GRIK2: variants seen among roughly 807,000 people sequenced by gnomAD.
GRIK2 encodes glutamate receptor ionotropic, kainate 2.
A neutral mutation model predicts 100.3 loss-of-function variants in GRIK2; 32 were observed. The ratio of observed to expected loss-of-function variants is 0.32; its 90% CI spans 0.24 to 0.43. The LOEUF is 0.43. Among genes scored for constraint, GRIK2 ranks in the 20% least tolerant of loss-of-function variants. The pLI is 1.00. For synonymous variants in GRIK2, 417 were observed against 389.4 expected, an observed-to-expected ratio of 1.07 and a Z score of -0.83; for missense variants, 843 against 1,114.9, an observed-to-expected ratio of 0.76 and a Z score of 3.47.
chr6:101,728,501 ATTAG>A (rs1030734166), intron 7 of GRIK2, among the ~76,000 whole-genome samples: 3 of 152,202 alleles, frequency 2.0e-5, no homozygotes, highest in South Asian at 4.1e-4. Context: ...AGAAAATGAA[ATTAG>A]TTATTTATTT....
At chr6:101,675,488 G>A (rs1479094107) in intron 4 of GRIK2, among the ~76,000 whole-genome samples, 1 of 152,176 alleles carries the variant, frequency 6.6e-6, no homozygotes, top group Admixed American at 6.6e-5. Flanking sequence ...AGAAGAAAGA[G>A]TAGAAGGAGA....
chr6:101,658,089 A>G (rs1005522657), intron 4 of GRIK2, among the ~76,000 whole-genome samples: 5 of 152,094 alleles, frequency 3.3e-5, no homozygotes, highest in African/African-American at 1.2e-4. Flanking sequence ...AAGTTCTGGG[A>G]TACATGTGCA....
At chr6:101,475,045 G>A (rs578071709) in intron 2 of GRIK2, among the ~76,000 whole-genome samples, 50 of 151,932 alleles carry the variant, frequency 3.3e-4, no homozygotes, top group African/African-American at 1.2e-3. Context: ...TAACCAGAAG[G>A]TGTAACTCTT....
rs1204306742 is a variant in GRIK2 at position 101,409,143 on chromosome 6, TG to T, written c.115+9752del. ...GTGTGTGTGTGTGTGTGTGTGTGTG[TG>T]TGTGTGTGTACAGTTAAGATTATAA... On this transcript the variant is annotated intron_variant, in intron 2 of 16. Transcript: ENST00000369134. Among the ~76,000 whole-genome samples, 6 of 149,870 alleles carry T rather than the reference TG, an allele frequency of 4.0e-5. No homozygotes were observed. In the East Asian group the frequency reaches 1.2e-3, roughly 29 times the overall value.
At chr6:101,863,577 C>T (rs965921883) in intron 11 of GRIK2, among the ~76,000 whole-genome samples, 1 of 152,096 alleles carries the variant, frequency 6.6e-6, no homozygotes, top group Admixed American at 6.6e-5. Context: ...CAGCTGGAGG[C>T]AAAATTTCAG....
intron 1 of GRIK2, among the ~76,000 whole-genome samples, chr6:101,394,619 T>G (rs548674944): frequency 1.3e-5 from 2 of 152,366 alleles, no homozygotes; most frequent in African/African-American, 4.8e-5. Context: ...AGAAATTATC[T>G]TATGGATTGA....
intron 14 of GRIK2, among the ~76,000 whole-genome samples, chr6:101,991,456 G>A (rs899017520): frequency 3.3e-5 from 5 of 150,228 alleles, no homozygotes; most frequent in Non-Finnish European, 5.9e-5. Context: ...TGAAAAATAT[G>A]AAACACAAAT....
chr6:101,398,534 G>A (rs1246426514), intron 1 of GRIK2, among the ~76,000 whole-genome samples: 3 of 152,094 alleles, frequency 2.0e-5, no homozygotes, highest in Non-Finnish European at 1.5e-5. Context: ...AAATTCCTCC[G>A]TCTTAGATCA....
rs561626552 is a variant in GRIK2, at chr6:101,969,905, C to CTA, written c.2085+41275_2085+41276dup. 1.5e-3 allele frequency among the ~76,000 whole-genome samples: 235 copies of CTA among 152,076 alleles called. 1 individual carries two copies. The highest frequency in any genetic ancestry group is 5.4e-3 in the African/African-American group (225 of 41,542). Reference sequence around the variant, plus strand: ...CACCATATTAACCCTCTTGTTTTTACTATCTTCAATTTATTATATGGCTTG... The same window carrying CTA: ...CACCATATTAACCCTCTTGTTTTTACTATATCTTCAATTTATTATATGGCTTG... On this transcript the variant is annotated intron_variant, in intron 14 of 16. Coordinates refer to ENST00000369134, the MANE Select transcript of GRIK2 (RefSeq NM_021956.5).
intron 15 of GRIK2, among the ~76,000 whole-genome samples, chr6:102,036,987 C>T (rs868151450): frequency 3.3e-5 from 5 of 151,210 alleles, no homozygotes; most frequent in African/African-American, 9.7e-5. Context: ...TGGTTAAAAC[C>T]GATCATTGAT....
chr6:102,042,388 GAAGA>G (rs1261742333), intron 15 of GRIK2, among the ~76,000 whole-genome samples: 2 of 151,166 alleles, frequency 1.3e-5, no homozygotes, highest in Admixed American at 6.6e-5. Context: ...TTCTTTTTTA[GAAGA>G]AAGATAAGGA....
chr6:102,024,749 T>C (rs774804950), intron 14 of GRIK2, among the ~76,000 whole-genome samples: 20 of 151,248 alleles, frequency 1.3e-4, no homozygotes, highest in Non-Finnish European at 2.1e-4. Flanking sequence ...AGCAATAATG[T>C]GGCTATCCTT....
chr6:101,726,225 A>G (rs752808889), intron 7 of GRIK2, among the ~76,000 whole-genome samples: 8 of 152,004 alleles, frequency 5.3e-5, no homozygotes, highest in Non-Finnish European at 8.8e-5. Context: ...TATAATCCTC[A>G]TTAAAAGTGG....
intron 7 of GRIK2, among the ~76,000 whole-genome samples, chr6:101,782,047 C>T (rs1779129567): frequency 6.6e-6 from 1 of 152,056 alleles, no homozygotes; most frequent in Non-Finnish European, 1.5e-5. Context: ...AATGTATGTA[C>T]ATATTTATGG....
intron 2 of GRIK2, among the ~76,000 whole-genome samples, chr6:101,566,942 T>C (rs1224466044): frequency 6.6e-6 from 1 of 150,732 alleles, no homozygotes; most frequent in Non-Finnish European, 1.5e-5. Context: ...AATAGACAAA[T>C]ATAAATGTAA....
intron 2 of GRIK2, among the ~76,000 whole-genome samples, chr6:101,588,049 T>C (rs1483864023): frequency 1.3e-5 from 2 of 152,020 alleles, no homozygotes; most frequent in Non-Finnish European, 2.9e-5. Context: ...GTATCATGGG[T>C]AAGATCAGTA....
intron 3 of GRIK2, 65 bp downstream of exon 3, chr6:101,622,181 T>C (rs981314799): frequency 4.8e-5 from 46 of 964,682 alleles, no homozygotes; most frequent in Non-Finnish European, 6.7e-5. Flanking sequence ...TCTTAAGAGA[T>C]TTTTTTATTT....
intron 7 of GRIK2, among the ~76,000 whole-genome samples, chr6:101,706,754 T>C: frequency 6.6e-6 from 1 of 151,890 alleles, no homozygotes; most frequent in Non-Finnish European, 1.5e-5. Context: ...TAGAGGAATT[T>C]TGTACAGGAA....
chr6:102,024,612 T>C (rs1769598741), intron 14 of GRIK2, among the ~76,000 whole-genome samples: 1 of 151,376 alleles, frequency 6.6e-6, no homozygotes, highest in Admixed American at 6.6e-5. Flanking sequence ...GAATGTGTGA[T>C]TTAGAAGTAG....
Sources: allele counts gnomAD v4.1 joint callset (sites outside exome capture counted in the v4.1 genomes callset), GRCh38; gene constraint gnomAD v4.1.1; transcripts MANE v1.5; gene names NCBI Gene and HGNC (gene_info 2026-07-23, HGNC 2026-07-21).